Variants in TOGARAM1 observed in about 807,000 individuals in gnomAD.
TOGARAM1 encodes TOG array regulator of axonemal microtubules protein 1.
In TOGARAM1, 100 loss-of-function variants were observed where a neutral mutation model predicts 166.6. The ratio of observed to expected loss-of-function variants is 0.60; its 90% confidence interval spans 0.51 to 0.71. TOGARAM1 has a LOEUF of 0.71. Among genes scored for constraint, TOGARAM1 ranks in the 30% least tolerant of loss-of-function variants. TOGARAM1 has a pLI of 0.00. For synonymous variants in TOGARAM1, 758 were observed against 763.8 expected (o/e 0.99, Z 0.13); for missense variants, 2,029 against 2,102.7 (o/e 0.96, Z 0.69).
intron 1 of TOGARAM1, among the ~76,000 whole-genome samples, chr14:44,992,072 TAAAAAAAAA>T (rs71108676): frequency 2.2e-3 from 85 of 37,964 alleles, no homozygotes; most frequent in African/African-American, 6.6e-3. Flanking sequence ...CCCTGTCTGT[TAAAAAAAAA>T]AAAAAAAAAA....
intron 1 of TOGARAM1, among the ~76,000 whole-genome samples, chr14:44,974,830 C>G (rs1886093287): frequency 6.6e-6 from 1 of 152,120 alleles, no homozygotes; most frequent in Admixed American, 6.5e-5. Context: ...GATGCTTGTT[C>G]TGTCTCTTCA....
intron 1 of TOGARAM1, among the ~76,000 whole-genome samples, chr14:44,965,224 T>G (rs1026743785): frequency 6.6e-6 from 1 of 152,228 alleles, no homozygotes; most frequent in African/African-American, 2.4e-5. Context: ...AATGACATTC[T>G]TCTTTTATAA....
intron 16 of TOGARAM1, among the ~76,000 whole-genome samples, chr14:45,063,247 A>C (rs1001329283): frequency 2.0e-5 from 3 of 151,954 alleles, no homozygotes; most frequent in Non-Finnish European, 4.4e-5. Context: ...TCTATTCATC[A>C]GTTTGGTTTT....
At chr14:45,071,000 C>A (rs1286727035) in intron 18 of TOGARAM1, among the ~76,000 whole-genome samples, 2 of 152,214 alleles carry the variant, frequency 1.3e-5, no homozygotes, top group Non-Finnish European at 2.9e-5. Flanking sequence ...CAGCTCACTG[C>A]AACTTCCGAC....
chr14:44,992,948 C>T (rs1293025390), intron 1 of TOGARAM1, among the ~76,000 whole-genome samples: 1 of 151,190 alleles, frequency 6.6e-6, no homozygotes, highest in Non-Finnish European at 1.5e-5. Flanking sequence ...GAAAAATATG[C>T]AGGGATTCAA....
chr14:44,987,904 AC>A (rs1369418133), intron 1 of TOGARAM1, among the ~76,000 whole-genome samples: 1 of 150,454 alleles, frequency 6.6e-6, no homozygotes, highest in African/African-American at 2.5e-5. Context: ...GCACATATAC[AC>A]CATGGAATAC....
chr14:45,050,339 G>A (rs1310657707), intron 14 of TOGARAM1, among the ~76,000 whole-genome samples: 3 of 151,944 alleles, frequency 2.0e-5, no homozygotes, highest in African/African-American at 4.8e-5. Flanking sequence ...TGCTACCTCC[G>A]CCTCCTGAGC....
chr14:45,006,032 C>T lies in TOGARAM1; in HGVS notation c.2669C>T (p.Pro890Leu). 1 of 1,561,768 alleles carries T rather than the reference C, an allele frequency of 6.4e-7. No homozygotes were observed. Among genetic ancestry groups the T allele is most frequent in the Non-Finnish European group, 8.7e-7 (1 of 1,155,980 alleles). Residue 890 changes from proline to leucine, a missense_variant, in exon 5 of 20, where the codon CCA becomes CTA. Around this residue, in one of 2 missense-constraint regions of TOGARAM1, gnomAD observed 1,453 missense variants for 1,432.2 expected, o/e 1.01. Transcript: ENST00000361462. ...GGAGAAAATTCTCAAGAAAAACCTC[C>T]AGTTCAGCTTACACCTGCCTTGGTG... ...NHGENSQEKP[P>L]VQLTPALVRS...
At chr14:45,068,359 A>G (rs1883227180) in intron 17 of TOGARAM1, 65 bp from the exon 18 acceptor site, 1 of 1,125,794 alleles carries the variant, frequency 8.9e-7, no homozygotes. Flanking sequence ...ACATGCCAAG[A>G]TACTTATAAA....
intron 16 of TOGARAM1, among the ~76,000 whole-genome samples, chr14:45,065,691 C>T (rs145973516): frequency 6.6e-6 from 1 of 152,250 alleles, no homozygotes; most frequent in South Asian, 2.1e-4. Context: ...TAACAGGGCC[C>T]AAGACTGCTA....
chr14:44,999,761 G>A (rs1327275904), intron 3 of TOGARAM1, among the ~76,000 whole-genome samples: 1 of 151,992 alleles, frequency 6.6e-6, no homozygotes, highest in Non-Finnish European at 1.5e-5. Flanking sequence ...ATACATAATA[G>A]TGGTACATAT....
chr14:45,061,774 A>AT (rs1479183155), intron 16 of TOGARAM1, among the ~76,000 whole-genome samples: 1 of 151,552 alleles, frequency 6.6e-6, no homozygotes, highest in African/African-American at 2.4e-5. Flanking sequence ...TACTAAAATT[A>AT]TTTAAGTATT....
At chr14:45,012,747 T>G (rs1409948464) in intron 7 of TOGARAM1, among the ~76,000 whole-genome samples, 1 of 152,236 alleles carries the variant, frequency 6.6e-6, no homozygotes, top group Non-Finnish European at 1.5e-5. Flanking sequence ...CTAACAACTT[T>G]AAGCTGCTTT....
chr14:45,057,946 T>C (rs1357393697), intron 16 of TOGARAM1, among the ~76,000 whole-genome samples: 1 of 152,254 alleles, frequency 6.6e-6, no homozygotes, highest in Non-Finnish European at 1.5e-5. Context: ...TGTAAATGTT[T>C]GTTAAGTCCA....
chr14:44,967,397 C>T (rs1319136932), intron 1 of TOGARAM1, among the ~76,000 whole-genome samples: 1 of 152,062 alleles, frequency 6.6e-6, no homozygotes, highest in Non-Finnish European at 1.5e-5. Context: ...CAACAGCAAC[C>T]AACTACCTAC....
At chr14:45,004,827 C>T (rs1227168248) in intron 4 of TOGARAM1, among the ~76,000 whole-genome samples, 1 of 152,114 alleles carries the variant, frequency 6.6e-6, no homozygotes, top group Non-Finnish European at 1.5e-5. Flanking sequence ...TTTAGCTTTA[C>T]AAATATAAAA....
chr14:44,976,607 G>A (rs1886204496), intron 1 of TOGARAM1, among the ~76,000 whole-genome samples: 1 of 151,958 alleles, frequency 6.6e-6, no homozygotes, highest in African/African-American at 2.4e-5. Context: ...CTCAAGTGTA[G>A]ATCATTTATT....
intron 2 of TOGARAM1, among the ~76,000 whole-genome samples, chr14:44,998,088 C>T (rs1161570989): frequency 1.3e-5 from 2 of 152,084 alleles, no homozygotes; most frequent in Non-Finnish European, 2.9e-5. Flanking sequence ...ATTTATAGAC[C>T]TTTATGCAGT....
At chr14:45,028,353 A>T in intron 10 of TOGARAM1, 24 bp downstream of exon 10, 2 of 1,482,888 alleles carry the variant, frequency 1.3e-6, no homozygotes, top group African/African-American at 1.4e-5. Flanking sequence ...AAGTTTTGGT[A>T]TTTTTTTTTT....
Sources: gnomAD v4.1 joint callset for allele counts (sites outside exome capture counted in the v4.1 genomes callset) on GRCh38, gnomAD v4.1.1 for gene constraint, gnomAD v4.1.1 regional missense constraint, MANE v1.5 for transcripts, NCBI Gene and HGNC (gene_info 2026-07-23, HGNC 2026-07-21) for gene names.